MED23: variants seen among roughly 807,000 people sequenced by gnomAD.
MED23 encodes the protein mediator complex subunit 23.
Under a neutral mutation model 163.9 loss-of-function variants are expected in MED23, and 105 were observed. The observed-to-expected ratio is 0.64, with a 90% CI of 0.55 to 0.75. The LOEUF (loss-of-function observed/expected upper bound fraction) is 0.75, where lower values mean the gene tolerates loss of function less well. Among genes scored for constraint, MED23 ranks in the 30% least tolerant of loss-of-function variants. MED23 has a pLI of 0.00. For missense variants in MED23, 1,054 were observed against 1,649.0 expected (o/e 0.64, Z 6.25); for synonymous variants, 561 against 565.6 (o/e 0.99, Z 0.12).
At position 131,620,701 on chromosome 6, in the gene MED23, G is replaced by A; in HGVS notation, c.524C>T (p.Ala175Val). 3 of 1,612,978 alleles carry A rather than the reference G, an allele frequency of 1.9e-6. No individual in the cohort carries two copies. The Middle Eastern group carries it at 5.0e-4, about 271-fold the overall frequency. The change falls in exon 7 of 29, where the codon GCC becomes GTC. Residue 175 changes from alanine (A) to valine (V), a missense_variant. Physicochemically the swap from Ala to Val is moderately conservative, Grantham distance 64. Transcript: ENST00000368068. Reference sequence around the variant, plus strand: ...TGCAAAATAGGCTGGTAATAAGCAGGCATTTCTTTCCAAGATATATGCTAT... The same window carrying A: ...TGCAAAATAGGCTGGTAATAAGCAGACATTTCTTTCCAAGATATATGCTAT... Reference protein sequence around the residue: ...EVIAYILERNACLLPAYFAVT... With the variant: ...EVIAYILERNVCLLPAYFAVT...
chr6:131,581,329 A>G, intron 30 of MED23: 1 of 1,613,954 alleles, frequency 6.2e-7, no homozygotes, highest in African/African-American at 1.3e-5. Flanking sequence ...ACAAGTGGAA[A>G]CTTGCATGGA....
intron 13 of MED23, 34 bp downstream of exon 13, chr6:131,606,444 CA>C: frequency 6.2e-7 from 1 of 1,601,802 alleles, no homozygotes; most frequent in Non-Finnish European, 8.5e-7. Context: ...ATTAATTAAA[CA>C]AGAAAATTAA....
chr6:131,583,811 GA>G (rs771395982), downstream of MED23: 2 of 1,614,078 alleles, frequency 1.2e-6, no homozygotes, highest in Admixed American at 3.3e-5. Flanking sequence ...GAAGTAACTC[GA>G]ACAGTGAACA....
In MED23 at chr6:131,602,277, T is replaced by A; in HGVS notation, c.2036A>T (p.Glu679Val). The part of the protein sequence containing the change: ...LSDPKTVLSA[E>V]SEELNRALIL... Reference sequence around the variant, plus strand: ...CAAGGCTCGGTTCAGTTCTTCAGATTCTGCTGAGAGCACTGTTTTGGGATC... The same window carrying A: ...CAAGGCTCGGTTCAGTTCTTCAGATACTGCTGAGAGCACTGTTTTGGGATC... Residue 679 changes from glutamate (E) to valine (V), a missense_variant, in exon 17 of 29, where the codon GAA (glutamate) becomes GTA (valine). Around this residue, in one of 11 missense-constraint regions of MED23, gnomAD observed 228 missense variants for 461.3 expected, o/e 0.49. Coordinates refer to ENST00000368068, the MANE Select transcript of MED23 (RefSeq NM_004830.4). The A allele has an allele frequency of 3.1e-6, 5 of 1,613,994 alleles. No individual in the cohort carries two copies. Among genetic ancestry groups the A allele is most frequent in the Non-Finnish European group, 4.2e-6 (5 of 1,179,870 alleles).
At chr6:131,586,076 G>C (rs747150315), downstream of MED23, among the ~76,000 whole-genome samples, 1 of 152,158 alleles carries the variant, frequency 6.6e-6, no homozygotes, top group Admixed American at 6.6e-5. Flanking sequence ...ATAATCTCTA[G>C]CATGTTTTCT....
chr6:131,586,508 T>C (rs1016394165), downstream of MED23, among the ~76,000 whole-genome samples: 1 of 152,206 alleles, frequency 6.6e-6, no homozygotes, highest in East Asian at 1.9e-4. Flanking sequence ...GGCAATTACA[T>C]GAGCTACAAA....
intron 27 of MED23, 32 bp downstream of exon 27, chr6:131,590,290 T>C (rs1158262170): frequency 2.5e-6 from 4 of 1,592,662 alleles, no homozygotes; most frequent in Admixed American, 1.7e-5. Flanking sequence ...CAGAATTTAA[T>C]CATGTCACAG....
chr6:131,609,197 T>C (rs1000876727), intron 11 of MED23, among the ~76,000 whole-genome samples: 5 of 152,150 alleles, frequency 3.3e-5, no homozygotes, highest in African/African-American at 1.2e-4. Context: ...TTTTCCAACT[T>C]GCATATGATG....
intron 10 of MED23, 39 bp from the exon 11 acceptor site, chr6:131,610,285 C>T (rs1184121660): frequency 6.3e-7 from 1 of 1,598,234 alleles, no homozygotes; most frequent in South Asian, 1.1e-5. Flanking sequence ...CCAAAAGCCT[C>T]TCGGTTAGTT....
At chr6:131,595,334 GC>G (rs1234502732) in intron 22 of MED23, among the ~76,000 whole-genome samples, 1 of 152,104 alleles carries the variant, frequency 6.6e-6, no homozygotes, top group Non-Finnish European at 1.5e-5. Flanking sequence ...ACACAACTGA[GC>G]TTTTTGACAT....
chr6:131,581,736 T>C (rs550082254), downstream of MED23, among the ~76,000 whole-genome samples: 10 of 152,208 alleles, frequency 6.6e-5, no homozygotes, highest in Non-Finnish European at 1.3e-4. Flanking sequence ...TCCTCATTCC[T>C]TCCTCTTTCC....
At chr6:131,601,836 AATT>A (rs1775506718) in intron 17 of MED23, among the ~76,000 whole-genome samples, 1 of 151,906 alleles carries the variant, frequency 6.6e-6, no homozygotes, top group African/African-American at 2.4e-5. Flanking sequence ...TTTAAAAACA[AATT>A]AATAAATATT....
intron 16 of MED23, among the ~76,000 whole-genome samples, chr6:131,602,818 A>G (rs957707084): frequency 2.6e-5 from 4 of 152,162 alleles, no homozygotes; most frequent in African/African-American, 9.7e-5. Flanking sequence ...AAGATCCTGA[A>G]GGAAGGACTC....
rs1776669024 is a variant in MED23 at position 131,616,094 on chromosome 6, A to G, written c.781-92T>C. ...TGAGATTAAAAAATCCTCTAAAGGC[A>G]CTTGTTACCTTCACAGAGTAGGCAG... is the stretch of plus-strand genomic sequence containing the variant. On this transcript the variant is annotated intron_variant, in intron 9 of 28. Coordinates refer to ENST00000368068, the MANE Select transcript of MED23 (RefSeq NM_004830.4). The G allele has an allele frequency of 3.0e-6, 3 of 990,418 alleles. No individual in the cohort carries two copies. In the Admixed American group the frequency reaches 5.8e-5, roughly 19 times the overall value. 61.4% of individuals were successfully genotyped at this position (990,418 alleles called of 1,614,324 possible).
At chr6:131,575,190 G>A (rs1773555628) in intron 30 of MED23, among the ~76,000 whole-genome samples, 1 of 152,130 alleles carries the variant, frequency 6.6e-6, no homozygotes, top group South Asian at 2.1e-4. Flanking sequence ...AGGGGTCTAT[G>A]AGCTTTGTTC....
At chr6:131,579,331 T>G in intron 30 of MED23, 5 of 1,598,236 alleles carry the variant, frequency 3.1e-6, no homozygotes, top group Non-Finnish European at 4.3e-6. Flanking sequence ...ACAAAGGAAG[T>G]AACCAAGGCC....
chr6:131,574,584 CA>C (rs1171328450), intron 30 of MED23, among the ~76,000 whole-genome samples: 7 of 152,128 alleles, frequency 4.6e-5, no homozygotes, highest in Admixed American at 1.3e-4. Context: ...TTCATTGTCT[CA>C]TGATTGTAAG....
intron 6 of MED23, 58 bp from the exon 7 acceptor site, chr6:131,620,787 T>C: frequency 1.0e-6 from 1 of 987,894 alleles, no homozygotes; most frequent in Non-Finnish European, 1.5e-6. Context: ...AAGCCCTTTA[T>C]TTTATTTATT....
chr6:131,590,894 G>A (rs1774565678), intron 26 of MED23, among the ~76,000 whole-genome samples: 1 of 151,840 alleles, frequency 6.6e-6, no homozygotes, highest in Admixed American at 6.6e-5. Flanking sequence ...TGGGATTACA[G>A]GCATGAGTCA....
Sources: gnomAD v4.1 joint callset for allele counts (sites outside exome capture counted in the v4.1 genomes callset) on GRCh38, gnomAD v4.1.1 for gene constraint, gnomAD v4.1.1 regional missense constraint, MANE v1.5 for transcripts, NCBI Gene and HGNC (gene_info 2026-07-23, HGNC 2026-07-21) for gene names.